The following MAP3K14 variants were observed in gnomAD, a reference collection of about 807,000 sequenced individuals.
The protein encoded by MAP3K14 is NF-kappa-beta-inducing kinase.
Under a neutral mutation model 99.2 loss-of-function variants are expected in MAP3K14, and 16 were observed. That is an observed-to-expected ratio of 0.16 (90% CI 0.11 to 0.24). The LOEUF (loss-of-function observed/expected upper bound fraction) is 0.24. Among genes scored for constraint, MAP3K14 ranks in the 10% least tolerant of loss-of-function variants. The pLI is 1.00. For synonymous variants in MAP3K14, 462 were observed against 492.4 expected, an observed-to-expected ratio of 0.94 and a Z score of 0.82; for missense variants, 784 against 1,208.7, an observed-to-expected ratio of 0.65 and a Z score of 5.21.
chr17:45,309,436 C>T (rs905699615), intron 1 of MAP3K14, among the ~76,000 whole-genome samples: 1 of 152,338 alleles, frequency 6.6e-6, no homozygotes, highest in East Asian at 1.9e-4. Flanking sequence ...TGTCTGCCTT[C>T]GTGCCCAGCT....
chr17:45,297,988 G>A (rs1428985360), intron 1 of MAP3K14, among the ~76,000 whole-genome samples: 1 of 152,042 alleles, frequency 6.6e-6, no homozygotes, highest in African/African-American at 2.4e-5. Context: ...TAAAGTGCTG[G>A]GATTACAGGC....
At chr17:45,290,887 T>C in intron 1 of MAP3K14, 122 bp from the exon 2 acceptor site, 1 of 852,880 alleles carries the variant, frequency 1.2e-6, no homozygotes, top group African/African-American at 1.7e-5. Context: ...TGTGTGCCTC[T>C]GCCACACATA....
At chr17:45,308,063 G>A (rs2044443698) in intron 1 of MAP3K14, among the ~76,000 whole-genome samples, 1 of 152,214 alleles carries the variant, frequency 6.6e-6, no homozygotes, top group Admixed American at 6.5e-5. Context: ...TTGGGACATG[G>A]GGCATGATGA....
At chr17:45,312,071 C>T (rs2044484378) in intron 1 of MAP3K14, among the ~76,000 whole-genome samples, 1 of 152,244 alleles carries the variant, frequency 6.6e-6, no homozygotes, top group South Asian at 2.1e-4. Flanking sequence ...TGGCAGAGGG[C>T]TCCTCACGAA....
chr17:45,308,731 G>A (rs1017324697), intron 1 of MAP3K14, among the ~76,000 whole-genome samples: 10 of 151,282 alleles, frequency 6.6e-5, no homozygotes, highest in Middle Eastern at 6.9e-3. Context: ...GCAGTGGTGC[G>A]ATCATGGCTC....
chr17:45,268,829 C>T (rs2044119162), intron 11 of MAP3K14, among the ~76,000 whole-genome samples: 1 of 152,226 alleles, frequency 6.6e-6, no homozygotes, highest in African/African-American at 2.4e-5. Context: ...ATTCGTTTGT[C>T]AGTGCACCCA....
intron 1 of MAP3K14, among the ~76,000 whole-genome samples, chr17:45,311,956 C>T (rs908474380): frequency 6.6e-5 from 10 of 152,154 alleles, no homozygotes; most frequent in East Asian, 1.9e-4. Flanking sequence ...CTCTGTGCCC[C>T]GTCCACGATC....
Position 45,311,707 on chromosome 17 carries a change from C to T in MAP3K14, c.-21+5253G>A, listed in dbSNP as rs532469464. Among the ~76,000 whole-genome samples the T allele has an allele frequency of 4.6e-5, 7 of 152,266 alleles. No homozygotes were observed. The South Asian group carries it at 1.5e-3, about 32-fold the overall frequency. The stretch of plus-strand genomic sequence containing the variant: ...CAGGGTTTAATCTAGCCTTTACAAT[C>T]GCTGGAGCTCTGCAGAGACTCCAAC... On this transcript the variant is annotated intron_variant, in intron 1 of 15. Transcript: ENST00000344686.
At chr17:45,274,024 TG>T in intron 8 of MAP3K14, 98 bp downstream of exon 8, 1 of 1,418,846 alleles carries the variant, frequency 7.0e-7, no homozygotes, top group Middle Eastern at 1.8e-4. Context: ...GGCCTGCTAC[TG>T]GGGATGACCA....
chr17:45,291,723 G>T (rs2044312777), intron 1 of MAP3K14, among the ~76,000 whole-genome samples: 1 of 152,216 alleles, frequency 6.6e-6, no homozygotes, highest in Non-Finnish European at 1.5e-5. Context: ...TAAAGGCTGG[G>T]AGTTTTTAAA....
intron 9 of MAP3K14, 49 bp from the exon 10 acceptor site, chr17:45,271,270 G>T: frequency 6.5e-7 from 1 of 1,548,688 alleles, no homozygotes; most frequent in East Asian, 2.3e-5. Context: ...TGATGGGCAG[G>T]AGCCTAGGCA....
At chr17:45,314,338 C>G (rs2143888688) in intron 1 of MAP3K14, among the ~76,000 whole-genome samples, 1 of 152,346 alleles carries the variant, frequency 6.6e-6, no homozygotes, top group Non-Finnish European at 1.5e-5. Context: ...CCACCCAGCT[C>G]TTGCAGATGC....
chr17:45,270,868 G>A, intron 10 of MAP3K14, 190 bp downstream of exon 10: 1 of 858,716 alleles, frequency 1.2e-6, no homozygotes, highest in Non-Finnish European at 1.8e-6. Context: ...TGAACTTGGT[G>A]AGCCTCCGCA....
intron 1 of MAP3K14, among the ~76,000 whole-genome samples, chr17:45,304,563 T>C (rs992294565): frequency 6.6e-6 from 1 of 152,242 alleles, no homozygotes; most frequent in Non-Finnish European, 1.5e-5. Flanking sequence ...TAGCATCAGA[T>C]AGGTGGTTTC....
intron 6 of MAP3K14, among the ~76,000 whole-genome samples, chr17:45,278,635 G>A (rs2044197194): frequency 6.6e-6 from 1 of 151,940 alleles, no homozygotes; most frequent in Non-Finnish European, 1.5e-5. Context: ...CCTGACTCCA[G>A]AGCTGCCAGC....
rs187464966 is a variant in MAP3K14, at chr17:45,306,822, G to A, written c.-21+10138C>T. Among the ~76,000 whole-genome samples the A allele has an allele frequency of 2.7e-3, 417 of 152,262 alleles. 2 individuals are homozygous for A. Among genetic ancestry groups the A allele is most frequent in the Non-Finnish European group, 3.3e-3 (223 of 68,020 alleles). On this transcript the variant is annotated intron_variant, in intron 1 of 15. Transcript: ENST00000344686. ...AGAGCCAACAGCAAATAGAAAAGAC[G>A]CCACAGGGGGCATCATGGATCCACA...
chr17:45,312,048 T>A (rs1222979364), intron 1 of MAP3K14, among the ~76,000 whole-genome samples: 1 of 152,222 alleles, frequency 6.6e-6, no homozygotes, highest in African/African-American at 2.4e-5. Flanking sequence ...GGGGCTGGGA[T>A]GAGGCTGATT....
In MAP3K14 at chr17:45,275,133, C is replaced by G. The variant is rs1001515085; in HGVS notation, c.1291-540G>C. On this transcript the variant is annotated intron_variant, in intron 6 of 15. Transcript: ENST00000344686. Reference sequence around the variant, plus strand: ...CAGCCTGGGCAACAAAGTGAGACTCCGTCTCAAAAAAAAAAAATTAAAAAA... The same window carrying G: ...CAGCCTGGGCAACAAAGTGAGACTCGGTCTCAAAAAAAAAAAATTAAAAAA... 1.9e-4 allele frequency among the ~76,000 whole-genome samples: 28 copies of G among 148,090 alleles called. 1 individual carries two copies. The highest frequency in any genetic ancestry group is 1.3e-3 in the Admixed American group (19 of 14,724).
intron 1 of MAP3K14, among the ~76,000 whole-genome samples, chr17:45,294,175 A>G (rs184773264): frequency 1.3e-5 from 2 of 152,240 alleles, no homozygotes; most frequent in Admixed American, 6.5e-5. Flanking sequence ...TACTCTCTGC[A>G]TAAGAGTTGA....
Sources: allele counts gnomAD v4.1 joint callset (sites outside exome capture counted in the v4.1 genomes callset), GRCh38; gene constraint gnomAD v4.1.1; transcripts MANE v1.5; gene names NCBI Gene and HGNC (gene_info 2026-07-23, HGNC 2026-07-21).